AKAIN1: variants seen among roughly 807,000 people sequenced by gnomAD.
AKAIN1 encodes the protein A-kinase anchor protein inhibitor 1.
Under a neutral mutation model 3.7 loss-of-function variants are expected in AKAIN1, and 3 were observed. That is an observed-to-expected ratio of 0.82 (90% CI 0.37 to 2.12). The LOEUF is 2.12. Among genes scored for constraint, AKAIN1 ranks in the 30% most tolerant of loss-of-function variants. The pLI is 0.06. For missense variants in AKAIN1, 82 were observed against 82.7 expected, an observed-to-expected ratio of 0.99 and a Z score of 0.03; for synonymous variants, 31 against 30.8, an observed-to-expected ratio of 1.01 and a Z score of -0.02.
chr18:5,189,438 T>A (rs1348327177), intron 1 of AKAIN1, among the ~76,000 whole-genome samples: 1 of 152,180 alleles, frequency 6.6e-6, no homozygotes, highest in Non-Finnish European at 1.5e-5. Flanking sequence ...TCTGCTCTGC[T>A]TCCATTTTAA....
intron 1 of AKAIN1, among the ~76,000 whole-genome samples, chr18:5,154,888 C>G (rs966083106): frequency 6.6e-6 from 1 of 152,196 alleles, no homozygotes; most frequent in African/African-American, 2.4e-5. Flanking sequence ...CTCCTGGAAG[C>G]GATTCTCCCG....
In AKAIN1 at chr18:5,155,513, G is replaced by A. The variant is rs1025115238; in HGVS notation, c.17-9758C>T. 2.0e-5 allele frequency among the ~76,000 whole-genome samples: 3 copies of A among 152,080 alleles called. No individual in the cohort carries two copies. The South Asian group carries it at 6.2e-4, about 32-fold the overall frequency. On this transcript the variant is annotated intron_variant, in intron 1 of 1. Coordinates refer to ENST00000434239, the MANE Select transcript of AKAIN1 (RefSeq NM_001145194.2). ...AGTGTCCGTTTCTGGCCTCTCATCC[G>A]CGGCTGCACTGCCCAGACGGTCAGA...
rs554786915 is a variant in AKAIN1 at position 5,196,909 on chromosome 18, T to C, written c.16+129A>G. ...CGCGCCGAGGCACTCCTCCGCCCCA[T>C]GAGCACAGACAGTAACTCCGAAACG... On this transcript the variant is annotated intron_variant, in intron 1 of 1. Transcript: ENST00000434239. 86 of 862,494 alleles carry C rather than the reference T, an allele frequency of 1.0e-4. No homozygotes were observed. The African/African-American group carries it at 1.4e-3, about 14-fold the overall frequency. The allele number at this position is 862,494 out of a possible 1,614,324, so 53.4% of individuals were successfully genotyped here. A position where few individuals can be genotyped will look rare whatever the true frequency, so the allele number is the denominator to read the frequency against.
intron 1 of AKAIN1, among the ~76,000 whole-genome samples, chr18:5,162,625 C>CGT (rs150673471): frequency 0.071 from 10,341 of 145,776 alleles, 390 homozygotes; most frequent in East Asian, 0.15. Flanking sequence ...CAATGTGATG[C>CGT]GTGTGTGTGT....
At chr18:5,147,900 G>A (rs1164735124) in intron 1 of AKAIN1, among the ~76,000 whole-genome samples, 2 of 152,206 alleles carry the variant, frequency 1.3e-5, no homozygotes, top group African/African-American at 2.4e-5. Context: ...GAAGAGTCAC[G>A]AAGGCATAGC....
intron 1 of AKAIN1, 48 bp downstream of exon 1, chr18:5,196,990 C>T (rs1199299790): frequency 6.7e-7 from 1 of 1,494,466 alleles, no homozygotes. Flanking sequence ...CCGTCCTCTA[C>T]CCTGCTCCCC....
At chr18:5,153,581 A>G (rs2071090636) in intron 1 of AKAIN1, among the ~76,000 whole-genome samples, 1 of 152,250 alleles carries the variant, frequency 6.6e-6, no homozygotes, top group African/African-American at 2.4e-5. Flanking sequence ...GTAGTTATTC[A>G]TACAGAAAAA....
chr18:5,163,914 G>C (rs1170097288), intron 1 of AKAIN1: 1 of 152,004 alleles, frequency 6.6e-6, no homozygotes, highest in African/African-American at 2.4e-5. Context: ...AATCCATCTG[G>C]TATACTTATG....
chr18:5,155,896 G>A (rs1567872457), intron 1 of AKAIN1, among the ~76,000 whole-genome samples: 3 of 151,946 alleles, frequency 2.0e-5, no homozygotes, highest in Non-Finnish European at 4.4e-5. Context: ...CCAGGACATC[G>A]GAGGTAAGAA....
rs2071354105 is a variant in AKAIN1 at position 5,197,207 on chromosome 18, A to T, written c.-154T>A. 1.4e-6 allele frequency: 2 copies of T among 1,419,300 alleles called. No individual in the cohort carries two copies. Among genetic ancestry groups the T allele is most frequent in the Non-Finnish European group, 1.8e-6 (2 of 1,094,832 alleles). 87.9% of individuals were successfully genotyped at this position (1,419,300 alleles called of 1,614,324 possible). On this transcript the variant is annotated 5_prime_UTR_variant, in exon 1 of 2. Coordinates refer to ENST00000434239, the MANE Select transcript of AKAIN1 (RefSeq NM_001145194.2). This position sits in a 1 kb window ranked among gnomAD's most constrained non-coding sequence, Gnocchi z 6.9. ...AGCACCCCGGACAGCTCCCGCCGCT[A>T]GATCCTGGGGCCGCAGCTCCAGCCG...
At chr18:5,193,752 C>T (rs1447852688) in intron 1 of AKAIN1, among the ~76,000 whole-genome samples, 4 of 152,084 alleles carry the variant, frequency 2.6e-5, no homozygotes, top group Non-Finnish European at 5.9e-5. Context: ...TGATATTTCC[C>T]CACAAAACCA....
In AKAIN1 at chr18:5,169,516, A is replaced by G. The variant is rs540269241; in HGVS notation, c.17-23761T>C. Among the ~76,000 whole-genome samples, 14 of 152,150 alleles carry G rather than the reference A, an allele frequency of 9.2e-5. 1 individual carries two copies. The South Asian group carries it at 2.7e-3, about 29-fold the overall frequency. ...CCCTCTTCTCCAGTGAGTTCTACACAGCTCAGCTCCAAAAATCCAAGCACA... is the reference window on the plus strand; with the variant it reads ...CCCTCTTCTCCAGTGAGTTCTACACGGCTCAGCTCCAAAAATCCAAGCACA... On this transcript the variant is annotated intron_variant, in intron 1 of 1. Coordinates refer to ENST00000434239, the MANE Select transcript of AKAIN1 (RefSeq NM_001145194.2).
rs183804094 is a variant in AKAIN1 at position 5,194,370 on chromosome 18, C to T, written c.16+2668G>A. Among the ~76,000 whole-genome samples the T allele has an allele frequency of 1.7e-4, 26 of 152,218 alleles. No homozygotes were observed. The East Asian group carries it at 4.6e-3, about 27-fold the overall frequency. On this transcript the variant is annotated intron_variant, in intron 1 of 1. Coordinates refer to ENST00000434239, the MANE Select transcript of AKAIN1 (RefSeq NM_001145194.2). Reference sequence around the variant, plus strand: ...CTGCCTCATGCAAACTGAAAAACAACCCAAATACCCTGTCCAATTTAAGCT... The same window carrying T: ...CTGCCTCATGCAAACTGAAAAACAATCCAAATACCCTGTCCAATTTAAGCT...
intron 1 of AKAIN1, among the ~76,000 whole-genome samples, chr18:5,161,069 G>C (rs1197265897): frequency 6.8e-6 from 1 of 147,418 alleles, no homozygotes; most frequent in African/African-American, 2.4e-5. Flanking sequence ...CAAAATATTA[G>C]GTTCAAAAAC....
At chr18:5,158,996 T>C (rs909185636) in intron 1 of AKAIN1, among the ~76,000 whole-genome samples, 9 of 152,188 alleles carry the variant, frequency 5.9e-5, no homozygotes, top group Admixed American at 3.9e-4. Context: ...AAAATCTTGC[T>C]CCAGCCATGA....
intron 1 of AKAIN1, among the ~76,000 whole-genome samples, chr18:5,164,049 G>A (rs1017089413): frequency 1.3e-5 from 2 of 151,996 alleles, no homozygotes; most frequent in African/African-American, 4.8e-5. Context: ...TTACTCTTTT[G>A]AATATATATC....
chr18:5,172,321 T>G (rs1340552817), intron 1 of AKAIN1, among the ~76,000 whole-genome samples: 1 of 152,114 alleles, frequency 6.6e-6, no homozygotes. Flanking sequence ...AATTTTTTAA[T>G]ACAAAGGATA....
intron 1 of AKAIN1, among the ~76,000 whole-genome samples, chr18:5,153,038 A>G (rs188457887): frequency 4.6e-4 from 70 of 152,288 alleles, no homozygotes; most frequent in African/African-American, 1.6e-3. Context: ...TGAAACACAG[A>G]TGGACTTTGG....
At chr18:5,155,212 G>A (rs1009197123) in intron 1 of AKAIN1, among the ~76,000 whole-genome samples, 1 of 152,102 alleles carries the variant, frequency 6.6e-6, no homozygotes, top group African/African-American at 2.4e-5. Flanking sequence ...AGAGACCATC[G>A]ACCATGGAGT....
Sources: allele counts gnomAD v4.1 joint callset (sites outside exome capture counted in the v4.1 genomes callset), GRCh38; gene constraint gnomAD v4.1.1; non-coding constraint Gnocchi (gnomAD v3.1); transcripts MANE v1.5; gene names NCBI Gene and HGNC (gene_info 2026-07-23, HGNC 2026-07-21).